ESM1: variants seen among roughly 807,000 people sequenced by gnomAD.
ESM1 encodes the protein endothelial cell-specific molecule 1.
Under a neutral mutation model 14.9 loss-of-function variants are expected in ESM1, and 7 were observed. The ratio of observed to expected loss-of-function variants is 0.47; its 90% CI spans 0.27 to 0.88. The LOEUF (loss-of-function observed/expected upper bound fraction) is 0.88, where lower values mean the gene tolerates loss of function less well. ESM1 is among the 40% of genes least tolerant of loss of function. The pLI is 0.14. For missense variants in ESM1, 192 were observed against 237.9 expected (o/e 0.81, Z 1.27); for synonymous variants, 89 against 89.4 (o/e 1.00, Z 0.02).
Position 54,985,393 on chromosome 5 carries a change from C to A in ESM1, c.125G>T (p.Arg42Leu), listed in dbSNP as rs1435739417. The part of the protein sequence containing the change: ...CDSSECKSSP[R>L]CKRTVLDDCG... ...GTCGTCGAGCACTGTCCTCTTGCAG[C>A]GCGGGCTGCTTTTGCACTCACTGCT... Residue 42 changes from arginine to leucine, a missense_variant, in exon 1 of 3, where the codon CGC becomes CTC. Transcript: ENST00000381405. The A allele has an allele frequency of 3.1e-6, 5 of 1,614,094 alleles. No individual in the cohort carries two copies. In the South Asian group the frequency reaches 5.5e-5, roughly 18 times the overall value.
intron 1 of ESM1, among the ~76,000 whole-genome samples, chr5:54,982,669 C>T (rs1041285516): frequency 3.9e-5 from 6 of 152,186 alleles, no homozygotes; most frequent in African/African-American, 1.4e-4. Context: ...AGCAATCAAT[C>T]TTCCATCTGC....
At chr5:54,982,980 C>T (rs1740423052) in intron 1 of ESM1, among the ~76,000 whole-genome samples, 1 of 151,824 alleles carries the variant, frequency 6.6e-6, no homozygotes, top group Non-Finnish European at 1.5e-5. Context: ...TTAGGATAAA[C>T]AGCATCTCAG....
chr5:54,984,393 T>A (rs1740483645), intron 1 of ESM1, among the ~76,000 whole-genome samples: 1 of 152,180 alleles, frequency 6.6e-6, no homozygotes, highest in South Asian at 2.1e-4. Context: ...TCATCATTCT[T>A]TTTATTCTAA....
At position 54,985,398 on chromosome 5, in the gene ESM1, G is replaced by T; in HGVS notation, c.120C>A (p.Ser40Arg). ...CGAGCACTGTCCTCTTGCAGCGCGG[G>T]CTGCTTTTGCACTCACTGCTGTCAC... ...QHCDSSECKSSPRCKRTVLDD... is the reference protein window; with the variant it reads ...QHCDSSECKSRPRCKRTVLDD... The change falls in exon 1 of 3, where the codon AGC becomes AGA. Residue 40 changes from serine (S) to arginine (R), a missense_variant. Ser to Arg is a moderately radical substitution (Grantham distance 110). Coordinates refer to ENST00000381405, the MANE Select transcript of ESM1 (RefSeq NM_007036.5). 6.2e-7 allele frequency: 1 copy of T among 1,614,216 alleles called. No homozygotes were observed. The highest frequency in any genetic ancestry group is 8.5e-7 in the Non-Finnish European group (1 of 1,180,042).
rs150884225 is a variant in ESM1, at chr5:54,985,272, C to A, written c.246G>T (p.Arg82Ser). The A allele has an allele frequency of 2.5e-6, 4 of 1,613,994 alleles. No homozygotes were observed. Among genetic ancestry groups the A allele is most frequent in the African/African-American group, 2.7e-5 (2 of 74,924 alleles). Residue 82 changes from arginine to serine, a missense_variant, in exon 1 of 3, where the codon AGG (arginine) becomes AGT (serine). By Grantham distance (110) the Arg-to-Ser change is moderately radical (BLOSUM62 -1). Transcript: ENST00000381405. ...GATCCTCCCCATTAGAAGGCTGACA[C>A]CTCAGCCCCGGGCCACACTTCATGC... ...MDGMKCGPGLRCQPSNGEDPF... is the reference protein window; with the variant it reads ...MDGMKCGPGLSCQPSNGEDPF...
At chr5:54,982,192 AC>A in intron 1 of ESM1, 46 bp from the exon 2 acceptor site, 1 of 1,602,660 alleles carries the variant, frequency 6.2e-7, no homozygotes, top group Non-Finnish European at 8.5e-7. Flanking sequence ...TGTTGTAAAT[AC>A]GTCTCCATCC....
rs1375046169 is a variant in ESM1, at chr5:54,978,064, T to C, written c.*1268A>G. Reference sequence around the variant, plus strand: ...CACTTCAAATAAAATACTTCTGAGATATTTCCTAAGAACATCTAGTACAAC... The same window carrying C: ...CACTTCAAATAAAATACTTCTGAGACATTTCCTAAGAACATCTAGTACAAC... On this transcript the variant is annotated 3_prime_UTR_variant, in exon 3 of 3. Transcript: ENST00000381405. The C allele has an allele frequency of 6.6e-6, 1 of 152,214 alleles. No individual in the cohort carries two copies. Among genetic ancestry groups the C allele is most frequent in the Non-Finnish European group, 1.5e-5 (1 of 68,014 alleles). The allele number at this position is 152,214 out of a possible 1,614,324, so 9.4% of individuals were successfully genotyped here. A position where few individuals can be genotyped will look rare whatever the true frequency, so the allele number is the denominator to read the frequency against.
At position 54,978,788 on chromosome 5, in the gene ESM1, AG is replaced by A. The variant is rs1743987746; in HGVS notation, c.*543del. 1 of 149,764 alleles carries A rather than the reference AG, an allele frequency of 6.7e-6. No homozygotes were observed. The highest frequency in any genetic ancestry group is 2.2e-4 in the South Asian group (1 of 4,640). 9.3% of individuals were successfully genotyped at this position (149,764 alleles called of 1,614,324 possible). A position where few individuals can be genotyped will look rare whatever the true frequency, so the allele number is the denominator to read the frequency against. On this transcript the variant is annotated 3_prime_UTR_variant, in exon 3 of 3. Coordinates refer to ENST00000381405, the MANE Select transcript of ESM1 (RefSeq NM_007036.5). Reference sequence around the variant, plus strand: ...AAGCTTCAAACATCTTACTTCCTTCAGGGGTTTTCTGGTTGTTTTATTTTGA... The same window carrying A: ...AAGCTTCAAACATCTTACTTCCTTCAGGGTTTTCTGGTTGTTTTATTTTGA...
chr5:54,982,607 G>A (rs1740409449), intron 1 of ESM1, among the ~76,000 whole-genome samples: 1 of 152,134 alleles, frequency 6.6e-6, no homozygotes, highest in South Asian at 2.1e-4. Flanking sequence ...AAGTGTATAG[G>A]AAAGGGCTTC....
At position 54,978,938 on chromosome 5, in the gene ESM1, G is replaced by A; in HGVS notation, c.*394C>T. 8.1e-6 allele frequency: 1 copy of A among 123,978 alleles called. No individual in the cohort carries two copies. The highest frequency in any genetic ancestry group is 1.6e-5 in the Non-Finnish European group (1 of 63,834). The allele number at this position is 123,978 out of a possible 1,614,324, so 7.7% of individuals were successfully genotyped here. A position where few individuals can be genotyped will look rare whatever the true frequency, so the allele number is the denominator to read the frequency against. On this transcript the variant is annotated 3_prime_UTR_variant, in exon 3 of 3. Transcript: ENST00000381405. ...CCTCCCCATCTTCTCCTGCTCTTAA[G>A]TCTTCATTCCATATCCCAACATTAA...
chr5:54,984,671 T>C lies in ESM1; in HGVS notation c.301+546A>G, dbSNP rs75874387. Among the ~76,000 whole-genome samples, 25 of 152,328 alleles carry C rather than the reference T, an allele frequency of 1.6e-4. No individual in the cohort carries two copies. The East Asian group carries it at 4.2e-3, about 26-fold the overall frequency. ...TTGTTTTATGCTTCAGGGGACCCTC[T>C]TTGAAGAGTGAGTTATTTTGTTAGA... is the stretch of plus-strand genomic sequence containing the variant. On this transcript the variant is annotated intron_variant, in intron 1 of 2. Coordinates refer to ENST00000381405, the MANE Select transcript of ESM1 (RefSeq NM_007036.5).
At chr5:54,980,226 G>T (rs1369891355) in intron 2 of ESM1, among the ~76,000 whole-genome samples, 1 of 152,208 alleles carries the variant, frequency 6.6e-6, no homozygotes, top group Non-Finnish European at 1.5e-5. Flanking sequence ...CTGTGGACAG[G>T]AAGCACATTT....
At position 54,985,503 on chromosome 5, in the gene ESM1, C is replaced by T; in HGVS notation, c.15G>A (p.Leu5=). 1 of 1,595,586 alleles carries T rather than the reference C, an allele frequency of 6.3e-7. No homozygotes were observed. Among genetic ancestry groups the T allele is most frequent in the African/African-American group, 1.3e-5 (1 of 74,748 alleles). Residue 5 remains leucine (L), a synonymous_variant, in exon 1 of 3, where the codon TTG becomes TTA. Transcript: ENST00000381405. The stretch of plus-strand genomic sequence containing the variant: ...CAGGCACGAGGAGCGTGGTCAGCAG[C>T]AAGACGCTCTTCATGTTTCCCAGCT... The part of the protein sequence containing the change: MKSV[L]LLTTLLVPAH...
chr5:54,984,875 G>A (rs969582718), intron 1 of ESM1, among the ~76,000 whole-genome samples: 1 of 152,200 alleles, frequency 6.6e-6, no homozygotes, highest in Non-Finnish European at 1.5e-5. Flanking sequence ...CCTCGCAGAG[G>A]AGAGAGCACC....
In ESM1 at chr5:54,979,032, T is replaced by C. The variant is rs376022840; in HGVS notation, c.*300A>G. The C allele has an allele frequency of 2.3e-4, 56 of 245,168 alleles. 2 individuals carry two copies. The South Asian group carries it at 3.3e-3, about 14-fold the overall frequency. 15.2% of individuals were successfully genotyped at this position (245,168 alleles called of 1,614,324 possible). On this transcript the variant is annotated 3_prime_UTR_variant, in exon 3 of 3. Transcript: ENST00000381405. Reference sequence around the variant, plus strand: ...CAGCTTTGCCTAGCTCCCTCTTTGGTTGACCTGTCTCCACGTAAGATTACC... The same window carrying C: ...CAGCTTTGCCTAGCTCCCTCTTTGGCTGACCTGTCTCCACGTAAGATTACC...
At position 54,982,175 on chromosome 5, in the gene ESM1, C is replaced by T. The variant is rs143412203; in HGVS notation, c.302-29G>A. ...GGGACAAAGGAAAGGTTGGAGAGGA[C>T]GCTGCTTGTTGTAAATACGTCTCCA... is the stretch of plus-strand genomic sequence containing the variant. On this transcript the variant is annotated intron_variant, in intron 1 of 2. Coordinates refer to ENST00000381405, the MANE Select transcript of ESM1 (RefSeq NM_007036.5). The T allele has an allele frequency of 5.3e-4, 847 of 1,610,116 alleles. 3 individuals carry two copies. The African/African-American group carries it at 9.5e-3, about 18-fold the overall frequency.
In ESM1 at chr5:54,985,295, T is replaced by C. The variant is rs1740512442; in HGVS notation, c.223A>G (p.Met75Val). 2 of 1,614,210 alleles carry C rather than the reference T, an allele frequency of 1.2e-6. No individual in the cohort carries two copies. The highest frequency in any genetic ancestry group is 1.6e-4 in the Middle Eastern group (1 of 6,062). Residue 75 changes from methionine to valine, a missense_variant, in exon 1 of 3, where the codon ATG becomes GTG. Transcript: ENST00000381405. ...CACCTCAGCCCCGGGCCACACTTCA[T>C]GCCATCCATGCCTGAGACTGTGCGG... ...CYRTVSGMDG[M>V]KCGPGLRCQP...
At chr5:54,981,471 C>T (rs1475056402) in intron 2 of ESM1, among the ~76,000 whole-genome samples, 2 of 152,144 alleles carry the variant, frequency 1.3e-5, no homozygotes, top group Non-Finnish European at 2.9e-5. Flanking sequence ...CATACTATTT[C>T]TTATCCTCTC....
At chr5:54,984,304 G>A (rs546094809) in intron 1 of ESM1, among the ~76,000 whole-genome samples, 8 of 151,972 alleles carry the variant, frequency 5.3e-5, no homozygotes, top group African/African-American at 1.9e-4. Flanking sequence ...TGATGGATGG[G>A]GTTATAGCAT....
Sources: gnomAD v4.1 joint callset for allele counts (sites outside exome capture counted in the v4.1 genomes callset) on GRCh38, gnomAD v4.1.1 for gene constraint, MANE v1.5 for transcripts, NCBI Gene and HGNC (gene_info 2026-07-23, HGNC 2026-07-21) for gene names.